Variants in ANKRD18B observed in about 807,000 individuals in gnomAD.
The protein encoded by ANKRD18B is ankyrin repeat domain 18B.
ANKRD18B carries 75 observed loss-of-function variants against 111.8 expected under a neutral mutation model. That is an observed-to-expected ratio of 0.67 (90% CI 0.56 to 0.81). The LOEUF (loss-of-function observed/expected upper bound fraction) is 0.81. Ranked by LOEUF, ANKRD18B falls within the 40% of genes least tolerant of loss-of-function variation. ANKRD18B has a pLI of 0.00. For missense variants in ANKRD18B, 1,038 were observed against 1,225.5 expected (o/e 0.85, Z 2.28); for synonymous variants, 356 against 417.3 (o/e 0.85, Z 1.79).
At chr9:33,528,636 A>G in intron 1 of ANKRD18B, 91 bp from the exon 2 acceptor site, 3 of 1,041,820 alleles carry the variant, frequency 2.9e-6, no homozygotes, top group Non-Finnish European at 4.1e-6. Flanking sequence ...AGGCAGAGGA[A>G]TAATGCCATT....
chr9:33,538,508 G>A (rs1193040235), intron 6 of ANKRD18B, among the ~76,000 whole-genome samples: 1 of 152,130 alleles, frequency 6.6e-6, no homozygotes, highest in East Asian at 1.9e-4. Flanking sequence ...GGCCAAGGAA[G>A]GCAGATCACT....
intron 5 of ANKRD18B, 42 bp downstream of exon 5, chr9:33,534,549 GT>G: frequency 6.8e-7 from 1 of 1,471,590 alleles, no homozygotes; most frequent in Non-Finnish European, 9.0e-7. Context: ...CTAAATTAAG[GT>G]TTTAAATAAT....
intron 12 of ANKRD18B, among the ~76,000 whole-genome samples, chr9:33,553,603 T>A (rs1828478592): frequency 6.6e-6 from 1 of 152,142 alleles, no homozygotes; most frequent in East Asian, 1.9e-4. Flanking sequence ...AGAATCTCGA[T>A]CAGGAAGAAG....
intron 8 of ANKRD18B, among the ~76,000 whole-genome samples, 192 bp downstream of exon 8, chr9:33,540,404 AC>A (rs1221067507): frequency 6.6e-6 from 1 of 152,182 alleles, no homozygotes; most frequent in Non-Finnish European, 1.5e-5. Context: ...TAAACCAGGC[AC>A]CGGGAAAGCA....
chr9:33,543,305 T>A, intron 10 of ANKRD18B, 50 bp downstream of exon 10: 1 of 1,450,582 alleles, frequency 6.9e-7, no homozygotes, highest in South Asian at 1.3e-5. Context: ...TTTGTTTTTC[T>A]TTAATAACAT....
At chr9:33,525,827 A>AAT (rs1288525038) in intron 1 of ANKRD18B, among the ~76,000 whole-genome samples, 3 of 149,586 alleles carry the variant, frequency 2.0e-5, no homozygotes, top group Admixed American at 1.3e-4. Flanking sequence ...TATTAAATAT[A>AAT]ATATATATAT....
chr9:33,565,654 T>A (rs965979929), intron 14 of ANKRD18B, among the ~76,000 whole-genome samples: 2 of 152,000 alleles, frequency 1.3e-5, no homozygotes, highest in African/African-American at 4.8e-5. Context: ...TTTTTTTTTG[T>A]AGAGATGGGG....
downstream of ANKRD18B, among the ~76,000 whole-genome samples, chr9:33,575,250 G>T: frequency 6.6e-6 from 1 of 152,290 alleles, no homozygotes. Context: ...GGCCCAGTCT[G>T]GCTCCATGAT....
intron 9 of ANKRD18B, among the ~76,000 whole-genome samples, chr9:33,541,775 ATTTG>A (rs1258045525): frequency 2.0e-5 from 3 of 152,210 alleles, no homozygotes; most frequent in African/African-American, 7.2e-5. Context: ...TGCTTTTCTA[ATTTG>A]TTTTGCTTTT....
Position 33,524,498 on chromosome 9 carries a change from G to C in ANKRD18B, c.9G>C (p.Lys3Asn). Residue 3 changes from lysine to asparagine, a missense_variant, in exon 1 of 19, where the codon AAG becomes AAC. Coordinates refer to ENST00000684830, the MANE Select transcript of ANKRD18B (RefSeq NM_001393611.1). ...TCTGAGAAGTCGCCACCATGAGGAA[G>C]CTCCTCAGTTTTGGGAGACGCCTGG... MR[K>N]LLSFGRRLGQ... 6.5e-7 allele frequency: 1 copy of C among 1,547,546 alleles called. No homozygotes were observed. Among genetic ancestry groups the C allele is most frequent in the East Asian group, 2.5e-5 (1 of 40,688 alleles).
chr9:33,525,295 C>T (rs770974352), intron 1 of ANKRD18B, among the ~76,000 whole-genome samples: 1 of 152,128 alleles, frequency 6.6e-6, no homozygotes, highest in Non-Finnish European at 1.5e-5. Flanking sequence ...GATATCAAAA[C>T]GTGCTATTAA....
intron 10 of ANKRD18B, among the ~76,000 whole-genome samples, chr9:33,547,678 T>G (rs1257563654): frequency 1.5e-5 from 2 of 129,848 alleles, no homozygotes; most frequent in Non-Finnish European, 3.3e-5. Context: ...AAAAATTCTC[T>G]AGAGTGTGTG....
intron 1 of ANKRD18B, chr9:33,528,512 T>A: frequency 2.2e-6 from 1 of 460,212 alleles, no homozygotes. Flanking sequence ...CTAGTTAAGC[T>A]GAATCCAAAC....
At chr9:33,547,787 T>C (rs1327076483) in intron 10 of ANKRD18B, 151 bp from the exon 11 acceptor site, 1 of 549,822 alleles carries the variant, frequency 1.8e-6, no homozygotes. Flanking sequence ...TTCTCTAAGG[T>C]TCAAGGTTTT....
At position 33,528,966 on chromosome 9, in the gene ANKRD18B, A is replaced by G. The variant is rs762742300; in HGVS notation, c.322-34A>G. ...GGAATATGTATTTTGAATTCTTAGA[A>G]TTTATAGTCTAGTTTTTTATCTAAC... On this transcript the variant is annotated intron_variant, in intron 2 of 18. Coordinates refer to ENST00000684830, the MANE Select transcript of ANKRD18B (RefSeq NM_001393611.1). The G allele has an allele frequency of 2.2e-5, 36 of 1,609,598 alleles. 1 individual carries two copies. Among genetic ancestry groups the G allele is most frequent in the Middle Eastern group, 3.4e-4 (2 of 5,816 alleles).
chr9:33,575,175 C>T (rs1172586884), downstream of ANKRD18B, among the ~76,000 whole-genome samples: 3 of 152,220 alleles, frequency 2.0e-5, no homozygotes, highest in Non-Finnish European at 4.4e-5. Context: ...GCAGCAATTC[C>T]ATTCTGCATC....
intron 12 of ANKRD18B, among the ~76,000 whole-genome samples, chr9:33,554,151 G>A (rs1828487687): frequency 2.1e-5 from 2 of 95,166 alleles, no homozygotes; most frequent in East Asian, 8.1e-4. Flanking sequence ...GAGAGAGAGA[G>A]AAAGAAAGAA....
rs1403133927 is a variant in ANKRD18B at position 33,555,802 on chromosome 9, TAGA to T, written c.2319_2321del (p.Glu774del). ...CAAATAAGAAAGAAAAATCGTGAAT[TAGA>T]AGAAGAGGCAACTGGGTATGGTTTT... On this transcript the variant is annotated inframe_deletion, in exon 13 of 19. Coordinates refer to ENST00000684830, the MANE Select transcript of ANKRD18B (RefSeq NM_001393611.1). 2.9e-6 allele frequency: 4 copies of T among 1,402,104 alleles called. 1 individual carries two copies. In the South Asian group the frequency reaches 5.2e-5, roughly 18 times the overall value. 86.9% of individuals were successfully genotyped at this position (1,402,104 alleles called of 1,614,324 possible).
At chr9:33,546,833 C>T (rs73645504) in intron 10 of ANKRD18B, among the ~76,000 whole-genome samples, 69 of 152,192 alleles carry the variant, frequency 4.5e-4, no homozygotes, top group African/African-American at 1.6e-3. Flanking sequence ...GAGTGGACAG[C>T]TATACTGTGT....
Sources: allele counts gnomAD v4.1 joint callset (sites outside exome capture counted in the v4.1 genomes callset), GRCh38; gene constraint gnomAD v4.1.1; transcripts MANE v1.5; gene names NCBI Gene and HGNC (gene_info 2026-07-23, HGNC 2026-07-21).